MED15: variants seen among roughly 807,000 people sequenced by gnomAD.
The protein encoded by MED15 is mediator of RNA polymerase II transcription subunit 15.
A neutral mutation model predicts 118.7 loss-of-function variants in MED15; 41 were observed. The observed-to-expected ratio is 0.35, with a 90% CI of 0.27 to 0.45. The LOEUF is 0.45. Among genes scored for constraint, MED15 ranks in the 20% least tolerant of loss-of-function variants. The pLI is 1.00. For missense variants in MED15, 740 were observed against 1,025.5 expected (o/e 0.72, Z 3.80); for synonymous variants, 436 against 413.9 (o/e 1.05, Z -0.65).
chr22:20,529,228 A>G (rs1189814129), intron 1 of MED15, among the ~76,000 whole-genome samples: 1 of 152,036 alleles, frequency 6.6e-6, no homozygotes, highest in African/African-American at 2.4e-5. Context: ...CCTCATTTCA[A>G]CTTGGAGGTT....
intron 2 of MED15, among the ~76,000 whole-genome samples, chr22:20,543,853 C>T (rs116130981): frequency 0.03 from 4,540 of 152,250 alleles, 230 homozygotes; most frequent in African/African-American, 0.1. Flanking sequence ...TCACTGTGCC[C>T]GGCCCAAGCT....
chr22:20,507,771 C>G, intron 1 of MED15, 25 bp downstream of exon 1: 1 of 1,613,788 alleles, frequency 6.2e-7, no homozygotes, highest in South Asian at 1.1e-5. Flanking sequence ...GGGCAGGGGG[C>G]TGGATTGTGG....
At chr22:20,515,593 C>A (rs1234979185) in intron 1 of MED15, among the ~76,000 whole-genome samples, 1 of 151,986 alleles carries the variant, frequency 6.6e-6, no homozygotes, top group Non-Finnish European at 1.5e-5. Context: ...AGTTTGAGAC[C>A]AGTCTGGGCA....
chr22:20,521,811 T>C (rs1304913595), intron 1 of MED15, among the ~76,000 whole-genome samples: 1 of 151,732 alleles, frequency 6.6e-6, no homozygotes, highest in Non-Finnish European at 1.5e-5. Context: ...CTGCAGCCTC[T>C]GCCTCCAGGG....
intron 9 of MED15, among the ~76,000 whole-genome samples, chr22:20,576,650 A>G (rs2056831797): frequency 6.6e-6 from 1 of 152,204 alleles, no homozygotes; most frequent in Non-Finnish European, 1.5e-5. Context: ...ATCTGCTGGT[A>G]GAAAGGCTTT....
intron 1 of MED15, among the ~76,000 whole-genome samples, chr22:20,532,068 G>T (rs1291583580): frequency 6.6e-6 from 1 of 152,222 alleles, no homozygotes; most frequent in Non-Finnish European, 1.5e-5. Flanking sequence ...AAGCAAGCAG[G>T]GGCCTGGGTT....
chr22:20,519,458 G>A (rs1331146790), intron 1 of MED15, among the ~76,000 whole-genome samples: 3 of 145,436 alleles, frequency 2.1e-5, no homozygotes, highest in African/African-American at 5.2e-5. Flanking sequence ...TTTTTCTTGA[G>A]ACAGTCTTGC....
intron 2 of MED15, among the ~76,000 whole-genome samples, chr22:20,542,077 G>T (rs1025865074): frequency 1.3e-5 from 2 of 152,182 alleles, no homozygotes; most frequent in Non-Finnish European, 2.9e-5. Flanking sequence ...TTACAGGGGT[G>T]AGCCACCGTG....
At chr22:20,516,342 A>G (rs2054257225) in intron 1 of MED15, among the ~76,000 whole-genome samples, 1 of 151,672 alleles carries the variant, frequency 6.6e-6, no homozygotes, top group Non-Finnish European at 1.5e-5. Context: ...TAATAATAAT[A>G]AATAAGTAAA....
At chr22:20,552,807 A>G (rs1327986988) in intron 3 of MED15, 2 of 307,384 alleles carry the variant, frequency 6.5e-6, no homozygotes, top group Admixed American at 4.8e-5. Context: ...GTAGTGTTCT[A>G]TTATTTGTTT....
At chr22:20,582,052 A>G (rs2057001295) in intron 9 of MED15, 2 of 156,976 alleles carry the variant, frequency 1.3e-5, no homozygotes, top group East Asian at 1.9e-4. Context: ...CCTCACTCCA[A>G]TTAAGCAGGT....
chr22:20,558,643 G>A (rs1268961251), intron 5 of MED15, among the ~76,000 whole-genome samples: 1 of 152,172 alleles, frequency 6.6e-6, no homozygotes, highest in East Asian at 1.9e-4. Flanking sequence ...TTGGAATGCT[G>A]GCCTGCAGCA....
chr22:20,586,660 A>G lies in MED15; in HGVS notation c.2323A>G (p.Thr775Ala), dbSNP rs1274704525. The G allele has an allele frequency of 1.2e-6, 2 of 1,612,596 alleles. No homozygotes were observed. Among genetic ancestry groups the G allele is most frequent in the East Asian group, 2.2e-5 (1 of 44,860 alleles). Residue 775 changes from threonine (T) to alanine (A), a missense_variant, in exon 18 of 18, where the codon ACC becomes GCC. Around this residue, in one of 7 missense-constraint regions of MED15, gnomAD observed 179 missense variants for 259.0 expected, o/e 0.69. Coordinates refer to ENST00000263205, the MANE Select transcript of MED15 (RefSeq NM_001003891.3). Reference protein sequence around the residue: ...DKHSVTALLNTWAQSVHQACL... With the variant: ...DKHSVTALLNAWAQSVHQACL... ...GCACTCGGTCACCGCCTTGCTCAAC[A>G]CCTGGGCCCAGAGCGTCCACCAGGC...
chr22:20,569,883 C>G (rs944997712), intron 8 of MED15, among the ~76,000 whole-genome samples: 1 of 152,216 alleles, frequency 6.6e-6, no homozygotes, highest in Admixed American at 6.5e-5. Flanking sequence ...GGGGGGCTCC[C>G]TTGTCCTGGT....
chr22:20,523,947 C>G, intron 1 of MED15: 1 of 664,680 alleles, frequency 1.5e-6, no homozygotes, highest in Non-Finnish European at 1.9e-6. Flanking sequence ...GAGGGGTGTA[C>G]AGTGTTTGAA....
intron 1 of MED15, among the ~76,000 whole-genome samples, chr22:20,520,859 C>T (rs2054421861): frequency 6.6e-6 from 1 of 152,054 alleles, no homozygotes; most frequent in African/African-American, 2.4e-5. Flanking sequence ...CCCACCTCAG[C>T]CTCCCAAGTA....
At chr22:20,537,327 A>G (rs1263779842) in intron 2 of MED15, 123 bp downstream of exon 2, 1 of 753,406 alleles carries the variant, frequency 1.3e-6, no homozygotes, top group African/African-American at 1.8e-5. Flanking sequence ...TCATCGATTG[A>G]TCACAGGCAC....
chr22:20,558,080 G>A (rs1228741932), intron 5 of MED15, among the ~76,000 whole-genome samples: 2 of 152,148 alleles, frequency 1.3e-5, no homozygotes, highest in African/African-American at 4.8e-5. Flanking sequence ...ACTCCAGCCT[G>A]GGCAACAGAG....
chr22:20,507,839 G>T, intron 1 of MED15, 93 bp downstream of exon 1: 1 of 1,563,226 alleles, frequency 6.4e-7, no homozygotes, highest in Non-Finnish European at 8.7e-7. Flanking sequence ...GAAACCTACG[G>T]CGCCGGGAGA....
Sources: allele counts gnomAD v4.1 joint callset (sites outside exome capture counted in the v4.1 genomes callset), GRCh38; gene constraint gnomAD v4.1.1; regional missense constraint gnomAD v4.1.1; transcripts MANE v1.5; gene names NCBI Gene and HGNC (gene_info 2026-07-23, HGNC 2026-07-21).